LRFN2: variants seen among roughly 807,000 people sequenced by gnomAD.
LRFN2 encodes the protein leucine-rich repeat and fibronectin type-III domain-containing protein 2.
A neutral mutation model predicts 37.3 loss-of-function variants in LRFN2; 18 were observed. The ratio of observed to expected loss-of-function variants is 0.48; its 90% CI spans 0.33 to 0.72. The LOEUF is 0.72. Ranked by LOEUF, LRFN2 falls within the 30% of genes least tolerant of loss-of-function variation. The probability of loss-of-function intolerance (pLI) is 0.02; values close to 1 mark genes in which losing one functional copy is unlikely to be tolerated. For missense variants in LRFN2, 1,006 were observed against 1,060.7 expected, an observed-to-expected ratio of 0.95 and a Z score of 0.72; for synonymous variants, 556 against 466.6, an observed-to-expected ratio of 1.19 and a Z score of -2.47.
intron 1 of LRFN2, among the ~76,000 whole-genome samples, chr6:40,516,831 C>T (rs1765891926): frequency 6.6e-6 from 1 of 152,182 alleles, no homozygotes; most frequent in Non-Finnish European, 1.5e-5. Flanking sequence ...TACACCTCCC[C>T]TCTATGGAGC....
intron 2 of LRFN2, among the ~76,000 whole-genome samples, chr6:40,404,256 G>A (rs892575420): frequency 2.0e-5 from 3 of 152,082 alleles, no homozygotes; most frequent in African/African-American, 7.2e-5. Context: ...TCAGCTCCCT[G>A]AGGTCAGAGT....
At chr6:40,456,096 C>A (rs1431261724) in intron 1 of LRFN2, among the ~76,000 whole-genome samples, 6 of 152,176 alleles carry the variant, frequency 3.9e-5, no homozygotes, top group Non-Finnish European at 5.9e-5. Context: ...CTCAGTTCTA[C>A]AACTTCAAGG....
intron 1 of LRFN2, among the ~76,000 whole-genome samples, chr6:40,489,641 G>A (rs1487613686): frequency 1.3e-5 from 2 of 152,170 alleles, no homozygotes; most frequent in Admixed American, 1.3e-4. Flanking sequence ...TGACGAGGAG[G>A]CCTGGGAGGA....
intron 1 of LRFN2, among the ~76,000 whole-genome samples, chr6:40,535,158 T>C (rs1171341438): frequency 6.6e-6 from 1 of 152,188 alleles, no homozygotes; most frequent in Non-Finnish European, 1.5e-5. Flanking sequence ...GAAGCCTCAG[T>C]GGCTGCCACC....
intron 1 of LRFN2, among the ~76,000 whole-genome samples, chr6:40,580,109 C>G (rs182008781): frequency 1.3e-5 from 2 of 152,292 alleles, no homozygotes; most frequent in Non-Finnish European, 2.9e-5. Flanking sequence ...GTAGCTTGAT[C>G]CCATCATGAG....
intron 2 of LRFN2, among the ~76,000 whole-genome samples, chr6:40,411,953 C>T (rs1267056572): frequency 2.6e-5 from 4 of 152,190 alleles, no homozygotes; most frequent in African/African-American, 9.7e-5. Context: ...ACATCTGGAA[C>T]AGGAGCATTT....
At chr6:40,424,724 C>T (rs532905742) in intron 2 of LRFN2, among the ~76,000 whole-genome samples, 154 of 152,292 alleles carry the variant, frequency 1.0e-3, no homozygotes, top group Middle Eastern at 3.4e-3. Context: ...CTCAACCCAC[C>T]CTTCCAGGAG....
rs1334336088 is a variant in LRFN2, at chr6:40,435,046, TATATATAGAGAGAGAGAG to T, written c.-18-1933_-18-1916del. ...ATATATATATATATATATATATATA[TATATATAGAGAGAGAGAG>T]AGAGAGAGAGAGAGAGAGAGAGAGA... On this transcript the variant is annotated intron_variant, in intron 1 of 2. Transcript: ENST00000338305. Among the ~76,000 whole-genome samples, 181 of 81,182 alleles carry T rather than the reference TATATATAGAGAGAGAGAG, an allele frequency of 2.2e-3. 1 individual carries two copies. Among genetic ancestry groups the T allele is most frequent in the African/African-American group, 9.9e-3 (168 of 16,982 alleles). 53.3% of individuals were successfully genotyped at this position (81,182 alleles called of 152,430 possible). A position where few individuals can be genotyped will look rare whatever the true frequency, so the allele number is the denominator to read the frequency against.
intron 2 of LRFN2, among the ~76,000 whole-genome samples, chr6:40,423,422 T>G (rs772233339): frequency 6.6e-6 from 1 of 152,200 alleles, no homozygotes; most frequent in Non-Finnish European, 1.5e-5. Flanking sequence ...TATGCCGCTG[T>G]TAACTATGAA....
intron 1 of LRFN2, among the ~76,000 whole-genome samples, chr6:40,535,689 T>C (rs1478319651): frequency 6.6e-6 from 1 of 152,126 alleles, no homozygotes; most frequent in Non-Finnish European, 1.5e-5. Context: ...CTGCACAGTC[T>C]ACATTGGTGG....
chr6:40,427,708 C>A (rs952952868), intron 2 of LRFN2, among the ~76,000 whole-genome samples: 2 of 152,202 alleles, frequency 1.3e-5, no homozygotes, highest in Non-Finnish European at 2.9e-5. Flanking sequence ...CCATGTCCAG[C>A]CTAGCATGCT....
chr6:40,512,325 T>C (rs1323776643), intron 1 of LRFN2, among the ~76,000 whole-genome samples: 1 of 152,190 alleles, frequency 6.6e-6, no homozygotes, highest in Admixed American at 6.5e-5. Flanking sequence ...AATTCTAAGA[T>C]GTTTATTTTA....
intron 1 of LRFN2, among the ~76,000 whole-genome samples, chr6:40,531,973 C>A (rs773693680): frequency 1.3e-5 from 2 of 152,232 alleles, no homozygotes; most frequent in Non-Finnish European, 2.9e-5. Context: ...GGGCAATCTC[C>A]CGAGTCTCCA....
At chr6:40,439,102 G>A (rs558413787) in intron 1 of LRFN2, among the ~76,000 whole-genome samples, 2 of 152,094 alleles carry the variant, frequency 1.3e-5, no homozygotes, top group Admixed American at 6.5e-5. Context: ...GAACCACCTC[G>A]AGCTGTTCCA....
chr6:40,449,719 A>G (rs1171767312), intron 1 of LRFN2, among the ~76,000 whole-genome samples: 2 of 152,188 alleles, frequency 1.3e-5, no homozygotes, highest in East Asian at 3.8e-4. Flanking sequence ...AAATAGTTTA[A>G]GACTCATACG....
At chr6:40,426,461 TA>T (rs1763355536) in intron 2 of LRFN2, among the ~76,000 whole-genome samples, 1 of 152,194 alleles carries the variant, frequency 6.6e-6, no homozygotes, top group Non-Finnish European at 1.5e-5. Flanking sequence ...GACCAGGACT[TA>T]CCAAGGGCTG....
At chr6:40,436,185 G>A (rs758459025) in intron 1 of LRFN2, among the ~76,000 whole-genome samples, 1 of 152,064 alleles carries the variant, frequency 6.6e-6, no homozygotes, top group South Asian at 2.1e-4. Flanking sequence ...TCAAAATCTG[G>A]TGCGTATTTT....
At chr6:40,401,249 C>T (rs1762734017) in intron 2 of LRFN2, among the ~76,000 whole-genome samples, 1 of 152,206 alleles carries the variant, frequency 6.6e-6, no homozygotes, top group Non-Finnish European at 1.5e-5. Context: ...GTCTAGGCTA[C>T]ACTCTCCAGG....
intron 2 of LRFN2, among the ~76,000 whole-genome samples, chr6:40,398,500 C>T (rs1426354665): frequency 1.3e-5 from 2 of 151,546 alleles, no homozygotes; most frequent in Non-Finnish European, 2.9e-5. Flanking sequence ...CAGGGCAAGG[C>T]GGAGGAGGGG....
Sources: allele counts gnomAD v4.1 joint callset (sites outside exome capture counted in the v4.1 genomes callset), GRCh38; gene constraint gnomAD v4.1.1; transcripts MANE v1.5; gene names NCBI Gene and HGNC (gene_info 2026-07-23, HGNC 2026-07-21).